ABL2: variants seen among roughly 807,000 people sequenced by gnomAD.
ABL2 encodes tyrosine-protein kinase ABL2.
Under a neutral mutation model 107.7 loss-of-function variants are expected in ABL2, and 49 were observed. The observed-to-expected ratio is 0.45, with a 90% CI of 0.36 to 0.58. The LOEUF is 0.58. Among genes scored for constraint, ABL2 ranks in the 20% least tolerant of loss-of-function variants. The pLI, the probability that ABL2 is intolerant of heterozygous loss-of-function variation, is 0.00. For synonymous variants in ABL2, 549 were observed against 548.6 expected (o/e 1.00, Z -0.01); for missense variants, 1,245 against 1,457.0 (o/e 0.85, Z 2.37).
rs1653028302 is a variant in ABL2 at position 179,100,779 on chromosome 1, C to T, written c.*6939G>A. ...GATGACATGTATCACAATTCTGCTC[C>T]AAATATGGTGTGGTCTGAGGACAGT... On this transcript the variant is annotated 3_prime_UTR_variant, in exon 12 of 12. Coordinates refer to ENST00000502732, the MANE Select transcript of ABL2 (RefSeq NM_007314.4). 2 of 231,790 alleles carry T rather than the reference C, an allele frequency of 8.6e-6. No individual in the cohort carries two copies. The highest frequency in any genetic ancestry group is 1.7e-5 in the Non-Finnish European group (2 of 117,206). The allele number at this position is 231,790 out of a possible 1,614,324, so 14.4% of individuals were successfully genotyped here. A position where few individuals can be genotyped will look rare whatever the true frequency, so the allele number is the denominator to read the frequency against.
chr1:179,229,207 C>CCCCCCCCCCCCCCCCCA, intron 1 of ABL2, 34 bp downstream of exon 1: 17 of 1,485,450 alleles, frequency 1.1e-5, no homozygotes, highest in Admixed American at 2.2e-5. Context: ...CCGGCCTCCC[C>CCCCCCCCCCCCCCCCCA]CACGCTCTCA....
intron 1 of ABL2, among the ~76,000 whole-genome samples, chr1:179,160,790 T>G (rs866706863): frequency 7.9e-5 from 12 of 152,302 alleles, no homozygotes; most frequent in Middle Eastern, 3.4e-3. Flanking sequence ...AGCCAAATAA[T>G]TCTGTGTGGC....
chr1:179,174,155 G>A (rs1039063777), intron 1 of ABL2, among the ~76,000 whole-genome samples: 1 of 152,118 alleles, frequency 6.6e-6, no homozygotes, highest in Non-Finnish European at 1.5e-5. Flanking sequence ...GGGCGTGGTG[G>A]TGTGTGCATG....
intron 1 of ABL2, among the ~76,000 whole-genome samples, chr1:179,188,084 C>A (rs890684803): frequency 6.6e-6 from 1 of 152,188 alleles, no homozygotes; most frequent in African/African-American, 2.4e-5. Flanking sequence ...TTCTGCCATT[C>A]TGGAAGGATA....
chr1:179,133,253 T>C, intron 2 of ABL2, 59 bp downstream of exon 2: 1 of 1,607,818 alleles, frequency 6.2e-7, no homozygotes. Context: ...CCATTCCCTG[T>C]TCTCCATCTC....
At chr1:179,136,518 C>T (rs983591370) in intron 1 of ABL2, among the ~76,000 whole-genome samples, 1 of 149,854 alleles carries the variant, frequency 6.7e-6, no homozygotes, top group Admixed American at 6.7e-5. Flanking sequence ...GCAGCATGCT[C>T]CTTAAGAGTC....
In ABL2 at chr1:179,229,631, AACG is replaced by A. The variant is rs1558014260; in HGVS notation, c.-237_-235del. The A allele has an allele frequency of 5.6e-5, 22 of 394,222 alleles. No individual in the cohort carries two copies. Among genetic ancestry groups the A allele is most frequent in the Middle Eastern group, 6.7e-4 (1 of 1,498 alleles). 24.4% of individuals were successfully genotyped at this position (394,222 alleles called of 1,614,324 possible). A position where few individuals can be genotyped will look rare whatever the true frequency, so the allele number is the denominator to read the frequency against. ...CCTCCTGTCGCGGCTCCGCGCCCCC[AACG>A]CCGCCGCCGCCGCCGCCGCCACCGC... On this transcript the variant is annotated 5_prime_UTR_variant, in exon 1 of 12. Transcript: ENST00000502732.
rs1655200782 is a variant in ABL2, at chr1:179,121,584, C to T, written c.960+11G>A. Reference sequence around the variant, plus strand: ...AAAGATGCCTGAAAACTGTAATTCTCAGCAACCCACCTTCAATGTTTTCAC... The same window carrying T: ...AAAGATGCCTGAAAACTGTAATTCTTAGCAACCCACCTTCAATGTTTTCAC... On this transcript the variant is annotated intron_variant, in intron 5 of 11. Coordinates refer to ENST00000502732, the MANE Select transcript of ABL2 (RefSeq NM_007314.4). The T allele has an allele frequency of 4.4e-6, 7 of 1,606,612 alleles. No individual in the cohort carries two copies. The East Asian group carries it at 1.6e-4, about 36-fold the overall frequency.
intron 1 of ABL2, among the ~76,000 whole-genome samples, chr1:179,207,567 A>C (rs1388933619): frequency 6.6e-6 from 1 of 152,230 alleles, no homozygotes; most frequent in African/African-American, 2.4e-5. Flanking sequence ...TTGAGTACTT[A>C]CCATTAATCA....
intron 1 of ABL2, among the ~76,000 whole-genome samples, chr1:179,159,601 G>A (rs993352658): frequency 1.3e-5 from 2 of 152,078 alleles, no homozygotes; most frequent in African/African-American, 4.8e-5. Context: ...TCATTACCTT[G>A]AAGACTTCCT....
At chr1:179,224,289 C>T (rs564960786) in intron 1 of ABL2, among the ~76,000 whole-genome samples, 10 of 151,838 alleles carry the variant, frequency 6.6e-5, no homozygotes, top group East Asian at 1.9e-4. Context: ...TTTTTGGAGA[C>T]GGAGTCTTGC....
In ABL2 at chr1:179,108,562, G is replaced by C. The variant is rs762508465; in HGVS notation, c.2705C>G (p.Ala902Gly). Residue 902 changes from alanine (A) to glycine (G), a missense_variant, in exon 12 of 12, where the codon GCT (alanine) becomes GGT (glycine). This residue lies in a region of ABL2 where 761 missense variants were observed against 766.4 expected (regional missense o/e 0.99). Transcript: ENST00000502732. The part of the protein sequence containing the change: ...EKNGGARLGM[A>G]GVPEDGEQPG... ...CTGCTCTCCATCCTCTGGAACTCCA[G>C]CCATCCCAAGTCGTGCCCCACCATT... is the stretch of plus-strand genomic sequence containing the variant. 8 of 1,614,088 alleles carry C rather than the reference G, an allele frequency of 5.0e-6. No individual in the cohort carries two copies. Among genetic ancestry groups the C allele is most frequent in the South Asian group, 1.1e-5 (1 of 91,088 alleles).
At chr1:179,165,404 C>A (rs1659320793) in intron 1 of ABL2, among the ~76,000 whole-genome samples, 1 of 151,482 alleles carries the variant, frequency 6.6e-6, no homozygotes, top group Non-Finnish European at 1.5e-5. Flanking sequence ...CTGATGACAA[C>A]AAAACTCCAT....
intron 1 of ABL2, among the ~76,000 whole-genome samples, chr1:179,224,336 G>A (rs1330086551): frequency 4.0e-5 from 6 of 151,824 alleles, no homozygotes; most frequent in Admixed American, 2.0e-4. Context: ...GCGCGATCTC[G>A]GCTCACTGCA....
chr1:179,153,521 A>G (rs756012118), intron 1 of ABL2, among the ~76,000 whole-genome samples: 58 of 152,124 alleles, frequency 3.8e-4, no homozygotes, highest in Non-Finnish European at 7.5e-4. Flanking sequence ...CCCATCGTCA[A>G]GGCCAGGATC....
intron 1 of ABL2, among the ~76,000 whole-genome samples, chr1:179,223,699 TAAAAATAAAAAATG>T (rs1663009652): frequency 6.6e-6 from 1 of 151,762 alleles, no homozygotes; most frequent in Non-Finnish European, 1.5e-5. Flanking sequence ...GAAAAATAAA[TAAAAATAAAAAATG>T]AAGTTTAGTT....
At chr1:179,117,562 A>G (rs1271705601) in intron 7 of ABL2, 46 bp from the exon 8 acceptor site, 1 of 1,599,310 alleles carries the variant, frequency 6.3e-7, no homozygotes, top group East Asian at 2.2e-5. Context: ...GATGGTGAGG[A>G]AAATGGTCAT....
intron 1 of ABL2, among the ~76,000 whole-genome samples, chr1:179,212,733 CA>C (rs1333771207): frequency 6.5e-5 from 9 of 137,586 alleles, no homozygotes; most frequent in Non-Finnish European, 6.2e-5. Flanking sequence ...AACTCCGTCT[CA>C]AAAAAAAAAG....
chr1:179,157,919 G>C (rs544794453), intron 1 of ABL2, among the ~76,000 whole-genome samples: 1 of 152,208 alleles, frequency 6.6e-6, no homozygotes, highest in Non-Finnish European at 1.5e-5. Flanking sequence ...TCTTCACCAG[G>C]ATAGCTGGGC....
Sources: allele counts gnomAD v4.1 joint callset (sites outside exome capture counted in the v4.1 genomes callset), GRCh38; gene constraint gnomAD v4.1.1; regional missense constraint gnomAD v4.1.1; transcripts MANE v1.5; gene names NCBI Gene and HGNC (gene_info 2026-07-23, HGNC 2026-07-21).